The following MAP3K15 variants were observed in gnomAD, a reference collection of about 807,000 sequenced individuals.
MAP3K15 encodes the protein MAPK/ERK kinase kinase 15.
Under a neutral mutation model 99.5 loss-of-function variants are expected in MAP3K15, and 124 were observed. The ratio of observed to expected loss-of-function variants is 1.25; its 90% confidence interval spans 1.08 to 1.45. The LOEUF (loss-of-function observed/expected upper bound fraction) is 1.45. Among genes scored for constraint, MAP3K15 ranks in the 40% most tolerant of loss-of-function variants. The pLI, the probability that MAP3K15 is intolerant of heterozygous loss-of-function variation, is 0.00. For missense variants in MAP3K15, 1,242 were observed against 1,079.7 expected (o/e 1.15, Z -2.11); for synonymous variants, 494 against 439.6 (o/e 1.12, Z -1.55).
At chrX:19,364,893 C>CAAAAAAAAAAAAAAA (rs781622051) in intron 25 of MAP3K15, among the ~76,000 whole-genome samples, 1 of 38,494 alleles carries the variant, frequency 2.6e-5, no homozygotes, top group African/African-American at 1.0e-4. Flanking sequence ...AACTCTGTCT[C>CAAAAAAAAAAAAAAA]AAAAAAAAAA....
intron 3 of MAP3K15, among the ~76,000 whole-genome samples, chrX:19,481,145 C>T (rs1219022276): frequency 1.1e-5 from 1 of 94,699 alleles, no homozygotes; most frequent in Non-Finnish European, 2.0e-5. Flanking sequence ...AGTTTTAAAC[C>T]AGTGTGGTAT....
intron 4 of MAP3K15, among the ~76,000 whole-genome samples, chrX:19,460,357 T>C (rs1263304956): frequency 8.9e-6 from 1 of 111,749 alleles, no homozygotes; most frequent in Non-Finnish European, 1.9e-5. Flanking sequence ...TAAAAATCAG[T>C]TCATTCAACC....
chrX:19,410,449 T>C (rs1288856560), intron 11 of MAP3K15, among the ~76,000 whole-genome samples: 1 of 111,842 alleles, frequency 8.9e-6, no homozygotes, highest in Non-Finnish European at 1.9e-5. Context: ...GCTAGAGAGA[T>C]ATACAGTGGA....
chrX:19,460,484 T>G (rs1162997651), intron 4 of MAP3K15, among the ~76,000 whole-genome samples: 1 of 112,027 alleles, frequency 8.9e-6, no homozygotes, highest in Non-Finnish European at 1.9e-5. Context: ...GAAGTTACCT[T>G]CCTTGTGTAT....
intron 6 of MAP3K15, among the ~76,000 whole-genome samples, chrX:19,439,226 C>A (rs1186720674): frequency 9.0e-6 from 1 of 111,565 alleles, no homozygotes; most frequent in Non-Finnish European, 1.9e-5. Flanking sequence ...ATGAATAAAA[C>A]CTGCCTGAGA....
chrX:19,434,233 G>GTTTT (rs201469897), intron 6 of MAP3K15, among the ~76,000 whole-genome samples: 5 of 102,472 alleles, frequency 4.9e-5, no homozygotes, highest in African/African-American at 1.4e-4. Flanking sequence ...GGTTTTTTTT[G>GTTTT]TTTTTTTTTT....
Position 19,371,506 on chromosome X carries a change from C to T in MAP3K15, c.3133G>A (p.Val1045Ile). The change falls in exon 23 of 29, where the codon GTT (valine) becomes ATT (isoleucine). Residue 1045 changes from valine (V) to isoleucine (I), a missense_variant. Physicochemically the swap from Val to Ile is conservative, Grantham distance 29. Coordinates refer to ENST00000338883, the MANE Select transcript of MAP3K15 (RefSeq NM_001001671.4). ...AQSSEELHLSVGHIKQIIGIL... is the reference protein window; with the variant it reads ...AQSSEELHLSIGHIKQIIGIL... ...CCAATGATTTGCTTGATGTGTCCAA[C>T]TGAGAGATGCAACTCTTCGGAACTC... is the stretch of plus-strand genomic sequence containing the variant. The T allele has an allele frequency of 2.5e-6, 3 of 1,202,761 alleles. No individual in the cohort carries two copies. Among genetic ancestry groups the T allele is most frequent in the African/African-American group, 1.7e-5 (1 of 57,689 alleles).
chrX:19,512,556 C>G (rs1375149663), intron 1 of MAP3K15, among the ~76,000 whole-genome samples: 1 of 110,570 alleles, frequency 9.0e-6, no homozygotes, highest in Non-Finnish European at 1.9e-5. Flanking sequence ...GTCACCGCAG[C>G]ATCGACCTCC....
intron 1 of MAP3K15, among the ~76,000 whole-genome samples, chrX:19,502,020 C>T (rs2147424342): frequency 8.9e-6 from 1 of 112,332 alleles, no homozygotes; most frequent in Admixed American, 9.4e-5. Flanking sequence ...GAGCCAAGAC[C>T]GTGCCACTGC....
chrX:19,415,202 T>C lies in MAP3K15; in HGVS notation c.1495A>G (p.Ile499Val), dbSNP rs767042336. 8 of 1,180,284 alleles carry C rather than the reference T, an allele frequency of 6.8e-6. No homozygotes were observed. The East Asian group carries it at 2.1e-4, about 31-fold the overall frequency. The part of the protein sequence containing the change: ...LLLIRRFKKT[I>V]IEHSPRQERL... ...TCTTGCCTGGGCGAGTGTTCAATAA[T>C]GGTTTTCTTGAAGCGCCGAATTAGT... Residue 499 changes from isoleucine to valine, a missense_variant, in exon 10 of 29, where the codon ATT becomes GTT. Ile to Val is a conservative substitution (Grantham distance 29, BLOSUM62 3). Transcript: ENST00000338883.
chrX:19,439,383 A>G (rs1359801011), intron 6 of MAP3K15, among the ~76,000 whole-genome samples: 1 of 111,781 alleles, frequency 8.9e-6, no homozygotes, highest in Admixed American at 9.6e-5. Context: ...GGGATATAAT[A>G]TTCTATATCT....
intron 3 of MAP3K15, 132 bp downstream of exon 3, chrX:19,486,350 C>T (rs760045726): frequency 2.6e-5 from 7 of 272,742 alleles, no homozygotes; most frequent in Non-Finnish European, 4.5e-5. Context: ...TCTAGCTGTC[C>T]TCCTTAGAAA....
At chrX:19,493,522 G>A (rs377584055) in intron 1 of MAP3K15, among the ~76,000 whole-genome samples, 3 of 111,083 alleles carry the variant, frequency 2.7e-5, no homozygotes, top group African/African-American at 6.5e-5. Context: ...CCTAAAACAC[G>A]AATTTAGCAT....
intron 9 of MAP3K15, among the ~76,000 whole-genome samples, chrX:19,421,651 ACTTT>A (rs1400077928): frequency 1.1e-5 from 1 of 90,942 alleles, no homozygotes; most frequent in Non-Finnish European, 2.0e-5. Flanking sequence ...GCTACCAATG[ACTTT>A]CTTCATGGAA....
At chrX:19,373,757 T>G (rs1164799625) in intron 20 of MAP3K15, 62 bp from the exon 21 acceptor site, 3 of 1,116,912 alleles carry the variant, frequency 2.7e-6, no homozygotes, top group Non-Finnish European at 1.2e-6. Context: ...TGGAGCTGAG[T>G]CCCTGGCAGC....
In MAP3K15 at chrX:19,373,421, G is replaced by A; in HGVS notation, c.2933+115C>T. The stretch of plus-strand genomic sequence containing the variant: ...GGCTCAGCTGCCCTACTGCCCTGCA[G>A]AAGGGAAGTAAAACCCCTCAGTGGC... On this transcript the variant is annotated intron_variant, in intron 21 of 28. Transcript: ENST00000338883. The A allele has an allele frequency of 8.5e-6, 8 of 945,704 alleles. No homozygotes were observed. The South Asian group carries it at 1.9e-4, about 23-fold the overall frequency. The allele number at this position is 945,704 out of a possible 1,213,427, so 77.9% of individuals were successfully genotyped here.
intron 9 of MAP3K15, among the ~76,000 whole-genome samples, chrX:19,417,795 T>C (rs2063748984): frequency 9.0e-6 from 1 of 111,715 alleles, no homozygotes; most frequent in Non-Finnish European, 1.9e-5. Flanking sequence ...CACCCCCCAG[T>C]AGGGGCAGAC....
intron 6 of MAP3K15, among the ~76,000 whole-genome samples, chrX:19,451,101 C>G (rs866954173): frequency 9.3e-6 from 1 of 107,941 alleles, no homozygotes; most frequent in Non-Finnish European, 1.9e-5. Flanking sequence ...GCCTTGCCAA[C>G]AGGGCGAAAC....
intron 3 of MAP3K15, among the ~76,000 whole-genome samples, chrX:19,469,662 G>C (rs2064193291): frequency 9.0e-6 from 1 of 111,064 alleles, no homozygotes; most frequent in Non-Finnish European, 1.9e-5. Context: ...CTGACAAATG[G>C]CTAATATCCA....
Sources: allele counts gnomAD v4.1 joint callset (sites outside exome capture counted in the v4.1 genomes callset), GRCh38; gene constraint gnomAD v4.1.1; transcripts MANE v1.5; gene names NCBI Gene and HGNC (gene_info 2026-07-23, HGNC 2026-07-21).